The following PARPBP variants were observed in gnomAD, a reference collection of about 807,000 sequenced individuals.
The protein encoded by PARPBP is PARP1 binding protein.
PARPBP carries 52 observed loss-of-function variants against 50.0 expected under a neutral mutation model. The ratio of observed to expected loss-of-function variants is 1.04; its 90% CI spans 0.83 to 1.31. PARPBP has a LOEUF of 1.31. PARPBP is among the 50% of genes most tolerant of loss of function. The pLI is 0.00. For missense variants in PARPBP, 697 were observed against 672.0 expected (o/e 1.04, Z -0.41); for synonymous variants, 244 against 232.1 (o/e 1.05, Z -0.47).
At chr12:102,132,198 G>A (rs1400629912) in intron 2 of PARPBP, among the ~76,000 whole-genome samples, 3 of 147,996 alleles carry the variant, frequency 2.0e-5, no homozygotes, top group Admixed American at 1.3e-4. Context: ...GCGACAGAGC[G>A]AGACCCTGTC....
At chr12:102,145,143 A>G (rs1885177158) in intron 2 of PARPBP, among the ~76,000 whole-genome samples, 1 of 152,126 alleles carries the variant, frequency 6.6e-6, no homozygotes, top group Non-Finnish European at 1.5e-5. Flanking sequence ...ATAAAAATGT[A>G]GATTTAAAAG....
At chr12:102,158,607 AT>A (rs1887219711) in intron 4 of PARPBP, among the ~76,000 whole-genome samples, 1 of 151,340 alleles carries the variant, frequency 6.6e-6, no homozygotes, top group Non-Finnish European at 1.5e-5. Context: ...CTTGAAATTA[AT>A]TTTTCACTTA....
At chr12:102,145,019 T>G (rs1885164172) in intron 2 of PARPBP, among the ~76,000 whole-genome samples, 1 of 152,126 alleles carries the variant, frequency 6.6e-6, no homozygotes, top group South Asian at 2.1e-4. Flanking sequence ...GAGGATAATT[T>G]TTTTAGTTGT....
chr12:102,182,064 T>TTA lies in PARPBP; in HGVS notation c.1185-484_1185-483dup, dbSNP rs370168779. Among the ~76,000 whole-genome samples, 280 of 152,300 alleles carry TTA rather than the reference T, an allele frequency of 1.8e-3. 1 individual carries two copies. The highest frequency in any genetic ancestry group is 6.5e-3 in the African/African-American group (271 of 41,582). Reference sequence around the variant, plus strand: ...AACTTATGATGGTTTGACTTGTGATTTACCTTCACATGACTTTACAATTGT... The same window carrying TTA: ...AACTTATGATGGTTTGACTTGTGATTTATACCTTCACATGACTTTACAATTGT... On this transcript the variant is annotated intron_variant, in intron 8 of 10. Coordinates refer to ENST00000327680, the MANE Select transcript of PARPBP (RefSeq NM_017915.5).
chr12:102,174,911 A>T (rs1889106726), intron 6 of PARPBP, among the ~76,000 whole-genome samples: 1 of 152,168 alleles, frequency 6.6e-6, no homozygotes, highest in Admixed American at 6.5e-5. Context: ...TTCCTCTTCC[A>T]TGTAATAAAA....
At chr12:102,140,094 C>T (rs1422331352) in intron 2 of PARPBP, among the ~76,000 whole-genome samples, 1 of 152,016 alleles carries the variant, frequency 6.6e-6, no homozygotes, top group Non-Finnish European at 1.5e-5. Context: ...TAGAATTTAG[C>T]TGTGAATCCA....
At chr12:102,174,645 T>C (rs1393742741) in intron 6 of PARPBP, among the ~76,000 whole-genome samples, 2 of 152,198 alleles carry the variant, frequency 1.3e-5, no homozygotes, top group African/African-American at 4.8e-5. Context: ...GTGATACCTC[T>C]AGGGATGGGA....
chr12:102,192,691 A>G (rs888846849), intron 9 of PARPBP, among the ~76,000 whole-genome samples: 1 of 152,004 alleles, frequency 6.6e-6, no homozygotes, highest in Non-Finnish European at 1.5e-5. Context: ...AATCTTTTCA[A>G]TCTTGATTCT....
chr12:102,134,731 G>C (rs988794909), intron 2 of PARPBP, among the ~76,000 whole-genome samples: 2 of 152,114 alleles, frequency 1.3e-5, no homozygotes, highest in African/African-American at 2.4e-5. Context: ...AGGCTGGAGT[G>C]CAGTGGCACA....
In PARPBP at chr12:102,175,552, T is replaced by C. The variant is rs1016798686; in HGVS notation, c.891T>C (p.Pro297=). 3 of 1,613,200 alleles carry C rather than the reference T, an allele frequency of 1.9e-6. No homozygotes were observed. In the Admixed American group the frequency reaches 5.0e-5, roughly 27 times the overall value. The stretch of plus-strand genomic sequence containing the variant: ...TTAAAGGCCAAAACAGCAGGGATCC[T>C]TTTTGCAAAGCAATAGAGGAAGTTG... ...QLIKGQNSRD[P]FCKAIEEVAQ... is the part of the protein sequence containing the mutation. Residue 297 remains proline, a synonymous_variant, in exon 7 of 11, where the codon CCT becomes CCC. Transcript: ENST00000327680.
At chr12:102,188,299 A>G (rs1323054071) in intron 9 of PARPBP, among the ~76,000 whole-genome samples, 1 of 151,884 alleles carries the variant, frequency 6.6e-6, no homozygotes, top group Non-Finnish European at 1.5e-5. Flanking sequence ...CATATTTGGA[A>G]ATAAAGTGGG....
intron 2 of PARPBP, among the ~76,000 whole-genome samples, chr12:102,137,839 CT>C (rs974490677): frequency 9.2e-5 from 14 of 152,090 alleles, no homozygotes. Context: ...TGAACTCATC[CT>C]TTTTTATGGC....
chr12:102,165,055 T>G (rs1887997956), intron 5 of PARPBP, among the ~76,000 whole-genome samples: 1 of 152,212 alleles, frequency 6.6e-6, no homozygotes, highest in African/African-American at 2.4e-5. Context: ...TTTCCTAATT[T>G]ATTTGACCAT....
At position 102,196,595 on chromosome 12, in the gene PARPBP, C is replaced by A; in HGVS notation, c.*304C>A. On this transcript the variant is annotated 3_prime_UTR_variant, in exon 11 of 11. Transcript: ENST00000327680. Reference sequence around the variant, plus strand: ...TAGTAGCAGTATGGGCTTCTCCTCCCATTGGCAATTAAATGCTTTTATTTT... The same window carrying A: ...TAGTAGCAGTATGGGCTTCTCCTCCAATTGGCAATTAAATGCTTTTATTTT... 1 of 1,219,134 alleles carries A rather than the reference C, an allele frequency of 8.2e-7. No homozygotes were observed. The highest frequency in any genetic ancestry group is 1.2e-6 in the Non-Finnish European group (1 of 820,768). The allele number at this position is 1,219,134 out of a possible 1,614,324, so 75.5% of individuals were successfully genotyped here.
intron 8 of PARPBP, among the ~76,000 whole-genome samples, chr12:102,181,475 T>C (rs949252635): frequency 1.3e-5 from 2 of 152,158 alleles, no homozygotes; most frequent in Non-Finnish European, 2.9e-5. Flanking sequence ...ACCTGTACAG[T>C]ATGTTATTGT....
chr12:102,174,463 C>T (rs1005228351), intron 6 of PARPBP, among the ~76,000 whole-genome samples: 7 of 152,156 alleles, frequency 4.6e-5, no homozygotes, highest in Middle Eastern at 3.2e-3. Context: ...GGCAATAAGG[C>T]GAGAGTGAAA....
chr12:102,177,573 C>G (rs1889400210), intron 7 of PARPBP, among the ~76,000 whole-genome samples: 1 of 152,046 alleles, frequency 6.6e-6, no homozygotes, highest in Non-Finnish European at 1.5e-5. Flanking sequence ...TGCTTTATCT[C>G]TATTACTACT....
chr12:102,153,417 C>T (rs1407890275), intron 3 of PARPBP, among the ~76,000 whole-genome samples: 4 of 152,174 alleles, frequency 2.6e-5, no homozygotes, highest in South Asian at 2.1e-4. Context: ...GTAGTCGCAG[C>T]TCACTGCAGC....
chr12:102,142,016 A>C (rs1178214654), intron 2 of PARPBP, among the ~76,000 whole-genome samples: 1 of 152,062 alleles, frequency 6.6e-6, no homozygotes, highest in Non-Finnish European at 1.5e-5. Context: ...GTATTTCCTG[A>C]ATTTGAATGT....
Sources: allele counts gnomAD v4.1 joint callset (sites outside exome capture counted in the v4.1 genomes callset), GRCh38; gene constraint gnomAD v4.1.1; transcripts MANE v1.5; gene names NCBI Gene and HGNC (gene_info 2026-07-23, HGNC 2026-07-21).